Variants in SHROOM4 observed in about 807,000 individuals in gnomAD.
SHROOM4 encodes the protein protein Shroom4.
A neutral mutation model predicts 80.3 loss-of-function variants in SHROOM4; 17 were observed. The ratio of observed to expected loss-of-function variants is 0.21; its 90% confidence interval spans 0.14 to 0.32. SHROOM4 has a LOEUF of 0.32. Ranked by LOEUF, SHROOM4 falls within the 10% of genes least tolerant of loss-of-function variation. The pLI is 1.00. For missense variants in SHROOM4, 993 were observed against 1,140.3 expected, an observed-to-expected ratio of 0.87 and a Z score of 1.86; for synonymous variants, 400 against 437.5, an observed-to-expected ratio of 0.91 and a Z score of 1.07.
chrX:50,580,348 G>T, the SHROOM4 span, among the ~76,000 whole-genome samples: 1 of 112,224 alleles, frequency 8.9e-6, no homozygotes, highest in Admixed American at 9.4e-5. Context: ...AGATGATGCT[G>T]CCATTGTTGC....
At chrX:50,760,332 CTT>C (rs59845169) in intron 1 of SHROOM4, among the ~76,000 whole-genome samples, 1 of 89,548 alleles carries the variant, frequency 1.1e-5, no homozygotes, top group African/African-American at 3.9e-5. Flanking sequence ...TCTCTAGTAA[CTT>C]TTTTTTTTTT....
intron 5 of SHROOM4, among the ~76,000 whole-genome samples, chrX:50,611,136 C>CTTTT (rs1432209307): frequency 3.8e-4 from 28 of 72,904 alleles, no homozygotes; most frequent in Non-Finnish European, 6.7e-4. Context: ...ACCATATTTT[C>CTTTT]TTTTTTTCTT....
chrX:50,583,456 C>A (rs1318658534), downstream of SHROOM4, among the ~76,000 whole-genome samples: 1 of 111,306 alleles, frequency 9.0e-6, no homozygotes, highest in Non-Finnish European at 1.9e-5. Flanking sequence ...CTGTGACATG[C>A]TTCTAAATGA....
At chrX:50,710,043 A>T (rs781917786) in intron 1 of SHROOM4, among the ~76,000 whole-genome samples, 1 of 112,163 alleles carries the variant, frequency 8.9e-6, no homozygotes, top group East Asian at 2.8e-4. Flanking sequence ...AAAGAATCAA[A>T]GTCACAGGCA....
chrX:50,646,740 C>G (rs1331690234), intron 2 of SHROOM4, among the ~76,000 whole-genome samples: 1 of 109,491 alleles, frequency 9.1e-6, no homozygotes, highest in Non-Finnish European at 1.9e-5. Context: ...ATAGCCAGTT[C>G]AAGTTCTTCC....
chrX:50,681,618 C>T (rs1482652194), intron 2 of SHROOM4, among the ~76,000 whole-genome samples: 2 of 112,176 alleles, frequency 1.8e-5, no homozygotes, highest in African/African-American at 6.5e-5. Flanking sequence ...ACCACACCCA[C>T]ATTTAGTCAT....
intron 1 of SHROOM4, among the ~76,000 whole-genome samples, chrX:50,764,195 C>T (rs1935220780): frequency 9.0e-6 from 1 of 111,150 alleles, no homozygotes; most frequent in African/African-American, 3.3e-5. Flanking sequence ...TCTGATTCTA[C>T]CTAAGTGATA....
rs782792289 is a variant in SHROOM4 at position 50,595,867 on chromosome X, C to T, written c.*828G>A. 2.4e-5 allele frequency: 8 copies of T among 327,433 alleles called. No individual in the cohort carries two copies. Among genetic ancestry groups the T allele is most frequent in the Non-Finnish European group, 4.1e-5 (7 of 169,637 alleles). 27.0% of individuals were successfully genotyped at this position (327,433 alleles called of 1,213,427 possible). A position where few individuals can be genotyped will look rare whatever the true frequency, so the allele number is the denominator to read the frequency against. ...ATTTAAAATATAACAATAAGAACCC[C>T]CTCCCCCAATAATGAAACCTACATC... On this transcript the variant is annotated 3_prime_UTR_variant, in exon 9 of 9. Transcript: ENST00000376020.
chrX:50,656,065 A>G (rs1932297213), intron 2 of SHROOM4, among the ~76,000 whole-genome samples: 1 of 111,662 alleles, frequency 9.0e-6, no homozygotes, highest in Non-Finnish European at 1.9e-5. Flanking sequence ...TTCTTTTGAG[A>G]AATGTCTCTT....
At chrX:50,676,686 A>G (rs190535258) in intron 2 of SHROOM4, among the ~76,000 whole-genome samples, 63 of 111,093 alleles carry the variant, frequency 5.7e-4, no homozygotes, top group African/African-American at 2.1e-3. Context: ...TAACTCTCTG[A>G]TCAAAAACTG....
chrX:50,724,882 G>A (rs113902825), intron 1 of SHROOM4, among the ~76,000 whole-genome samples: 3,853 of 111,770 alleles, frequency 0.034, 155 homozygotes, highest in African/African-American at 0.12. Context: ...CTTTGGTATT[G>A]TATATAAGAA....
chrX:50,787,126 G>C (rs1288678835), intron 1 of SHROOM4, among the ~76,000 whole-genome samples: 1 of 109,942 alleles, frequency 9.1e-6, no homozygotes, highest in African/African-American at 3.3e-5. Context: ...AGGCTGAGAT[G>C]GGAGATCACG....
intron 1 of SHROOM4, among the ~76,000 whole-genome samples, chrX:50,711,892 G>A (rs1322924922): frequency 3.6e-5 from 4 of 112,188 alleles, no homozygotes; most frequent in Admixed American, 9.4e-5. Context: ...AACTGAAATC[G>A]TACTATGTGC....
At chrX:50,784,754 T>C (rs782633570) in intron 1 of SHROOM4, among the ~76,000 whole-genome samples, 38 of 111,886 alleles carry the variant, frequency 3.4e-4, no homozygotes, top group African/African-American at 1.2e-3. Context: ...AAAGAAAAAA[T>C]CATTAAACTG....
chrX:50,642,643 T>C (rs1230001044), intron 2 of SHROOM4, among the ~76,000 whole-genome samples: 2 of 111,113 alleles, frequency 1.8e-5, no homozygotes, highest in Non-Finnish European at 3.8e-5. Context: ...TTTTGTATTT[T>C]TTGTAGAGAT....
intron 2 of SHROOM4, among the ~76,000 whole-genome samples, chrX:50,653,631 C>T (rs1932199186): frequency 9.0e-6 from 1 of 111,596 alleles, no homozygotes; most frequent in African/African-American, 3.3e-5. Context: ...AGAGGCCATC[C>T]TTGTCTTGTG....
rs369995675 is a variant in SHROOM4 at position 50,814,039 on chromosome X, C to G, written c.-21G>C. 3.0e-5 allele frequency: 34 copies of G among 1,123,074 alleles called. No individual in the cohort carries two copies. Among genetic ancestry groups the G allele is most frequent in the Non-Finnish European group, 4.1e-5 (34 of 819,731 alleles). The allele number at this position is 1,123,074 out of a possible 1,213,427, so 92.6% of individuals were successfully genotyped here. Reference sequence around the variant, plus strand: ...TCCATCCTCGGCTGGGCTCAGGCGCCGCCGGGCTCCTTTTCCGAGGGGGCT... The same window carrying G: ...TCCATCCTCGGCTGGGCTCAGGCGCGGCCGGGCTCCTTTTCCGAGGGGGCT... On this transcript the variant is annotated 5_prime_UTR_variant, in exon 1 of 9. Transcript: ENST00000376020.
chrX:50,786,538 T>C (rs1935744559), intron 1 of SHROOM4, among the ~76,000 whole-genome samples: 1 of 111,700 alleles, frequency 9.0e-6, no homozygotes, highest in African/African-American at 3.3e-5. Context: ...TCAGGACCAG[T>C]GTGATCAGAG....
rs187342045 is a variant in SHROOM4 at position 50,664,978 on chromosome X, G to A, written c.270-26670C>T. On this transcript the variant is annotated intron_variant, in intron 2 of 8. Coordinates refer to ENST00000376020, the MANE Select transcript of SHROOM4 (RefSeq NM_020717.5). ...ACTTTGGGGACAATTTAAACCTATT[G>A]GGAGAAAAAGACTAGATTAAAAAGA... 2.6e-3 allele frequency among the ~76,000 whole-genome samples: 280 copies of A among 109,224 alleles called. 2 individuals carry two copies. Among genetic ancestry groups the A allele is most frequent in the African/African-American group, 9.1e-3 (273 of 29,909 alleles). 94.8% of individuals were successfully genotyped at this position (109,224 alleles called of 115,157 possible).
Sources: gnomAD v4.1 joint callset for allele counts (sites outside exome capture counted in the v4.1 genomes callset) on GRCh38, gnomAD v4.1.1 for gene constraint, MANE v1.5 for transcripts, NCBI Gene and HGNC (gene_info 2026-07-23, HGNC 2026-07-21) for gene names.